The following RABGAP1 variants were observed in gnomAD, a reference collection of about 807,000 sequenced individuals.
The protein encoded by RABGAP1 is rab GTPase-activating protein 1.
Under a neutral mutation model 137.6 loss-of-function variants are expected in RABGAP1, and 23 were observed. That is an observed-to-expected ratio of 0.17 (90% CI 0.12 to 0.24). The LOEUF (loss-of-function observed/expected upper bound fraction) is 0.24. Among genes scored for constraint, RABGAP1 ranks in the 10% least tolerant of loss-of-function variants. The pLI is 1.00. For missense variants in RABGAP1, 906 were observed against 1,275.8 expected (o/e 0.71, Z 4.42); for synonymous variants, 451 against 450.7 (o/e 1.00, Z -0.01).
chr9:122,953,180 A>G (rs1347894240), intron 1 of RABGAP1, among the ~76,000 whole-genome samples: 1 of 152,256 alleles, frequency 6.6e-6, no homozygotes, highest in Non-Finnish European at 1.5e-5. Context: ...AATTTGGATT[A>G]CTTAAATCAG....
intron 2 of RABGAP1, among the ~76,000 whole-genome samples, chr9:122,963,279 C>T (rs549909783): frequency 3.9e-5 from 6 of 152,236 alleles, no homozygotes; most frequent in Admixed American, 1.3e-4. Context: ...TAATATACTG[C>T]TTTCAATAAT....
rs1283448297 is a variant in RABGAP1 at position 122,998,673 on chromosome 9, G to A, written c.1281G>A (p.Glu427=). 4.3e-6 allele frequency: 7 copies of A among 1,611,858 alleles called. No homozygotes were observed. The highest frequency in any genetic ancestry group is 5.1e-6 in the Non-Finnish European group (6 of 1,178,148). ...EVQEPVRFLL[E]TKVRVCSPNE... is the part of the protein sequence containing the mutation. ...AGGAGCCTGTTCGATTTCTCCTGGAGACAAAAGTCCGCGTTTGCTCACCTA... is the reference window on the plus strand; with the variant it reads ...AGGAGCCTGTTCGATTTCTCCTGGAAACAAAAGTCCGCGTTTGCTCACCTA... Residue 427 remains glutamate (E), a synonymous_variant, in exon 10 of 26, where the codon GAG becomes GAA. Coordinates refer to ENST00000373647, the MANE Select transcript of RABGAP1 (RefSeq NM_012197.4).
intron 9 of RABGAP1, among the ~76,000 whole-genome samples, chr9:122,998,087 T>A (rs376314430): frequency 1.1e-3 from 166 of 152,124 alleles, no homozygotes; most frequent in Non-Finnish European, 1.8e-3. Context: ...GTTTTATTTT[T>A]TTTATTTTAT....
chr9:122,996,907 TG>T (rs756259764), intron 8 of RABGAP1: 20 of 472,468 alleles, frequency 4.2e-5, no homozygotes, highest in Non-Finnish European at 7.0e-5. Flanking sequence ...TAGACTGTCG[TG>T]TATCTTACCA....
At chr9:122,988,456 C>CT (rs1333912787) in intron 4 of RABGAP1, among the ~76,000 whole-genome samples, 2 of 149,096 alleles carry the variant, frequency 1.3e-5, no homozygotes, top group African/African-American at 2.5e-5. Context: ...AATGCTATCC[C>CT]TTTGATTTTT....
chr9:123,035,414 G>C (rs780216187), intron 13 of RABGAP1: 13 of 1,614,124 alleles, frequency 8.1e-6, no homozygotes, highest in Non-Finnish European at 1.1e-5. Flanking sequence ...CACAGCAACC[G>C]CTTCGCATCC....
chr9:122,984,809 C>A, intron 3 of RABGAP1, 90 bp downstream of exon 3: 2 of 1,185,994 alleles, frequency 1.7e-6, no homozygotes, highest in South Asian at 1.4e-5. Flanking sequence ...TTAGAACAGG[C>A]AAAACCATTG....
At chr9:122,986,125 T>G in intron 3 of RABGAP1, 90 bp from the exon 4 acceptor site, 1 of 1,237,824 alleles carries the variant, frequency 8.1e-7, no homozygotes, top group Non-Finnish European at 1.2e-6. Context: ...TTTTAGACCT[T>G]AAATGTTACT....
intron 13 of RABGAP1, among the ~76,000 whole-genome samples, chr9:123,021,858 C>G (rs1469208693): frequency 6.6e-6 from 1 of 152,130 alleles, no homozygotes; most frequent in Non-Finnish European, 1.5e-5. Flanking sequence ...AAGTAGCTGT[C>G]TTATGATAGA....
intron 13 of RABGAP1, chr9:123,034,116 TTGATTAGG>T (rs2032469514): frequency 6.0e-6 from 1 of 167,918 alleles, no homozygotes; most frequent in Non-Finnish European, 1.3e-5. Context: ...GCCAGGTTCT[TTGATTAGG>T]GCATTGGATG....
intron 1 of RABGAP1, among the ~76,000 whole-genome samples, chr9:122,943,023 T>TA (rs200310242): frequency 1.3e-4 from 19 of 141,812 alleles, no homozygotes; most frequent in Non-Finnish European, 2.2e-4. Flanking sequence ...AAATAAAAAA[T>TA]AAAAAAACAA....
At chr9:122,932,010 C>T in the RABGAP1 span, among the ~76,000 whole-genome samples, 1 of 152,198 alleles carries the variant, frequency 6.6e-6, no homozygotes. Flanking sequence ...CTCTTGCACT[C>T]CCATGGCTTC....
intron 2 of RABGAP1, among the ~76,000 whole-genome samples, chr9:122,976,796 T>G (rs1266800608): frequency 6.6e-6 from 1 of 152,216 alleles, no homozygotes; most frequent in African/African-American, 2.4e-5. Flanking sequence ...AGAATAAACA[T>G]ATATGCTAAT....
chr9:123,017,382 G>C (rs990982440), intron 12 of RABGAP1, among the ~76,000 whole-genome samples: 1 of 152,024 alleles, frequency 6.6e-6, no homozygotes, highest in Non-Finnish European at 1.5e-5. Flanking sequence ...TATTTATTGA[G>C]TTTCCATCTG....
At chr9:123,053,687 A>T (rs2033581757) in intron 13 of RABGAP1, among the ~76,000 whole-genome samples, 2 of 152,152 alleles carry the variant, frequency 1.3e-5, no homozygotes, top group South Asian at 4.1e-4. Flanking sequence ...CTGTTACATG[A>T]TGGCATTTAA....
chr9:123,010,162 C>G (rs2030669949), intron 10 of RABGAP1, among the ~76,000 whole-genome samples, 192 bp from the exon 11 acceptor site: 1 of 151,996 alleles, frequency 6.6e-6, no homozygotes, highest in Non-Finnish European at 1.5e-5. Context: ...TAAACATATG[C>G]TTTTCTGTTT....
At chr9:123,088,479 G>A (rs1013076796) in intron 19 of RABGAP1, among the ~76,000 whole-genome samples, 8 of 152,062 alleles carry the variant, frequency 5.3e-5, no homozygotes, top group Admixed American at 1.3e-4. Flanking sequence ...TCAGAGGAAG[G>A]AAAGATAGTC....
intron 11 of RABGAP1, among the ~76,000 whole-genome samples, chr9:123,013,643 T>C (rs1288129949): frequency 2.0e-5 from 3 of 152,204 alleles, no homozygotes; most frequent in Non-Finnish European, 4.4e-5. Context: ...TAGCCTTTTC[T>C]CTTCTTTACC....
At chr9:122,962,854 G>C (rs546831755) in intron 2 of RABGAP1, among the ~76,000 whole-genome samples, 4 of 152,128 alleles carry the variant, frequency 2.6e-5, no homozygotes, top group Non-Finnish European at 5.9e-5. Context: ...TTTAGGTTTA[G>C]AGATACAAAT....
Sources: gnomAD v4.1 joint callset for allele counts (sites outside exome capture counted in the v4.1 genomes callset) on GRCh38, gnomAD v4.1.1 for gene constraint, MANE v1.5 for transcripts, NCBI Gene and HGNC (gene_info 2026-07-23, HGNC 2026-07-21) for gene names.